The following SLC25A16 variants were observed in gnomAD, a reference collection of about 807,000 sequenced individuals.
The protein encoded by SLC25A16 is solute carrier family 25 member 16.
SLC25A16 carries 39 observed loss-of-function variants against 41.5 expected under a neutral mutation model. The ratio of observed to expected loss-of-function variants is 0.94; its 90% CI spans 0.73 to 1.23. The LOEUF (loss-of-function observed/expected upper bound fraction) is 1.23. Ranked by LOEUF, SLC25A16 falls within the 50% of genes most tolerant of loss-of-function variation. The probability of loss-of-function intolerance (pLI) is 0.00; values close to 1 mark genes in which losing one functional copy is unlikely to be tolerated. For synonymous variants in SLC25A16, 146 were observed against 147.8 expected, an observed-to-expected ratio of 0.99 and a Z score of 0.09; for missense variants, 421 against 426.9, an observed-to-expected ratio of 0.99 and a Z score of 0.12.
Position 68,487,156 on chromosome 10 carries a change from A to G in SLC25A16, c.830T>C (p.Phe277Ser), listed in dbSNP as rs1413929870. The change falls in exon 8 of 9, where the codon TTT (phenylalanine) becomes TCT (serine). Residue 277 changes from phenylalanine (F) to serine (S), a missense_variant. Transcript: ENST00000609923. ...RMQLGTVLPEFEKCLTMRDTM... is the reference protein window; with the variant it reads ...RMQLGTVLPESEKCLTMRDTM... ...ATGATGAACTTACAGGCACTTTTCAAATTCCGGCAGAACAGTTCCTAATTG... is the reference window on the plus strand; with the variant it reads ...ATGATGAACTTACAGGCACTTTTCAGATTCCGGCAGAACAGTTCCTAATTG... 2 of 1,613,406 alleles carry G rather than the reference A, an allele frequency of 1.2e-6. No individual in the cohort carries two copies. The highest frequency in any genetic ancestry group is 1.7e-6 in the Non-Finnish European group (2 of 1,179,552).
At chr10:68,488,727 G>A (rs1315108578) in intron 6 of SLC25A16, 98 bp from the exon 7 acceptor site, 33 of 975,910 alleles carry the variant, frequency 3.4e-5, no homozygotes, top group Admixed American at 5.6e-5. Flanking sequence ...CTAATTTCTG[G>A]TGTTTGGCTT....
At chr10:68,488,941 T>C (rs1444953835) in intron 6 of SLC25A16, among the ~76,000 whole-genome samples, 2 of 152,134 alleles carry the variant, frequency 1.3e-5, no homozygotes, top group African/African-American at 4.8e-5. Flanking sequence ...TTCATGATTA[T>C]TAATTACAAG....
At position 68,527,447 on chromosome 10, in the gene SLC25A16, G is replaced by A; in HGVS notation, c.-72C>T. On this transcript the variant is annotated 5_prime_UTR_variant, in exon 1 of 9. Transcript: ENST00000609923. ...ACCGGACGGGACCATAGCCGGAACA[G>A]GCGGTGACAGGAGGCTGACCGCCCC... 1.5e-6 allele frequency: 2 copies of A among 1,379,016 alleles called. No homozygotes were observed. Among genetic ancestry groups the A allele is most frequent in the South Asian group, 1.6e-5 (1 of 63,992 alleles). The allele number at this position is 1,379,016 out of a possible 1,614,324, so 85.4% of individuals were successfully genotyped here. A position where few individuals can be genotyped will look rare whatever the true frequency, so the allele number is the denominator to read the frequency against.
rs1164483087 is a variant in SLC25A16, at chr10:68,520,878, G to A, written c.131-4035C>T. On this transcript the variant is annotated intron_variant, in intron 1 of 8. Coordinates refer to ENST00000609923, the MANE Select transcript of SLC25A16 (RefSeq NM_152707.4). The stretch of plus-strand genomic sequence containing the variant: ...GGGCCAGGCATGGTGCCTCACATCT[G>A]TAATCCCAGCATTTTGGGACGTTGA... Among the ~76,000 whole-genome samples, 3 of 151,432 alleles carry A rather than the reference G, an allele frequency of 2.0e-5. No individual in the cohort carries two copies. In the East Asian group the frequency reaches 5.8e-4, roughly 29 times the overall value.
At chr10:68,525,919 AT>A (rs767600624) in intron 1 of SLC25A16, among the ~76,000 whole-genome samples, 1 of 152,032 alleles carries the variant, frequency 6.6e-6, no homozygotes, top group Non-Finnish European at 1.5e-5. Flanking sequence ...CTTAAGAGTC[AT>A]CACCACTCCC....
chr10:68,478,046 T>C lies in SLC25A16; in HGVS notation c.*5386A>G, dbSNP rs1023642020. ...ATTGACAAGTTCAAATTTAATGACA[T>C]GTTACAGTTTCATTTGAACAGTGTA... On this transcript the variant is annotated 3_prime_UTR_variant, in exon 9 of 9. Coordinates refer to ENST00000609923, the MANE Select transcript of SLC25A16 (RefSeq NM_152707.4). 1 of 152,158 alleles carries C rather than the reference T, an allele frequency of 6.6e-6. No homozygotes were observed. The highest frequency in any genetic ancestry group is 1.5e-5 in the Non-Finnish European group (1 of 68,036). The allele number at this position is 152,158 out of a possible 1,614,324, so 9.4% of individuals were successfully genotyped here.
In SLC25A16 at chr10:68,480,358, G is replaced by C. The variant is rs12767790; in HGVS notation, c.*3074C>G. 2 of 150,580 alleles carry C rather than the reference G, an allele frequency of 1.3e-5. No individual in the cohort carries two copies. Among genetic ancestry groups the C allele is most frequent in the Non-Finnish European group, 2.9e-5 (2 of 67,972 alleles). 9.3% of individuals were successfully genotyped at this position (150,580 alleles called of 1,614,324 possible). ...TTTGTGCTTCAATATGTAAACAGTTGAAAGAAAGAAATTGTCAAAACATGG... is the reference window on the plus strand; with the variant it reads ...TTTGTGCTTCAATATGTAAACAGTTCAAAGAAAGAAATTGTCAAAACATGG... On this transcript the variant is annotated 3_prime_UTR_variant, in exon 9 of 9. Coordinates refer to ENST00000609923, the MANE Select transcript of SLC25A16 (RefSeq NM_152707.4).
chr10:68,491,847 GA>G (rs1370139486), intron 6 of SLC25A16, among the ~76,000 whole-genome samples: 1 of 151,998 alleles, frequency 6.6e-6, no homozygotes, highest in African/African-American at 2.4e-5. Flanking sequence ...GATTGATTTA[GA>G]AATGGAGTCT....
chr10:68,524,819 G>C (rs1385436149), intron 1 of SLC25A16, among the ~76,000 whole-genome samples: 2 of 151,854 alleles, frequency 1.3e-5, no homozygotes, highest in Non-Finnish European at 2.9e-5. Context: ...GGAGGTTGCA[G>C]TGAGCAGAGA....
At position 68,518,789 on chromosome 10, in the gene SLC25A16, ATAAATAAATAAATAAATAAAT is replaced by A. The variant is rs1188368529; in HGVS notation, c.131-1967_131-1947del. 3.8e-3 allele frequency among the ~76,000 whole-genome samples: 527 copies of A among 138,566 alleles called. 4 individuals are homozygous for A. Among genetic ancestry groups the A allele is most frequent in the African/African-American group, 0.014 (495 of 35,116 alleles). The allele number at this position is 138,566 out of a possible 152,430, so 90.9% of individuals were successfully genotyped here. On this transcript the variant is annotated intron_variant, in intron 1 of 8. Coordinates refer to ENST00000609923, the MANE Select transcript of SLC25A16 (RefSeq NM_152707.4). ...TCTCGGTCTCAAAAAAACAAATAAA[ATAAATAAATAAATAAATAAAT>A]TAAATAAATAAATAAATAAAATGTA... is the stretch of plus-strand genomic sequence containing the variant.
chr10:68,513,934 T>C lies in SLC25A16; in HGVS notation c.223+2817A>G, dbSNP rs574287212. On this transcript the variant is annotated intron_variant, in intron 2 of 8. Transcript: ENST00000609923. ...TGTTTTGGCCGGGAGCAGTGGCTCA[T>C]GCCTATAATTTCAGTACTTTGGGAG... 2.0e-5 allele frequency among the ~76,000 whole-genome samples: 3 copies of C among 152,228 alleles called. No homozygotes were observed. In the South Asian group the frequency reaches 6.2e-4, roughly 32 times the overall value.
chr10:68,492,301 G>A (rs2052672630), intron 6 of SLC25A16, among the ~76,000 whole-genome samples: 1 of 152,016 alleles, frequency 6.6e-6, no homozygotes, highest in South Asian at 2.1e-4. Flanking sequence ...CAACTCCTTC[G>A]GGTCTAGTCA....
intron 3 of SLC25A16, 124 bp downstream of exon 3, chr10:68,506,461 A>AC (rs11313731): frequency 1.8e-4 from 118 of 669,104 alleles, no homozygotes; most frequent in Non-Finnish European, 2.3e-4. Flanking sequence ...AAAAAAAAAA[A>AC]CCAATAATTT....
rs551287014 is a variant in SLC25A16, at chr10:68,518,663, G to A, written c.131-1820C>T. ...GTGGTGCGTGCATGTAATCCCAGCT[G>A]CTTGGGAGGCTGAGGCAGAAGAATT... On this transcript the variant is annotated intron_variant, in intron 1 of 8. Coordinates refer to ENST00000609923, the MANE Select transcript of SLC25A16 (RefSeq NM_152707.4). 2.0e-5 allele frequency among the ~76,000 whole-genome samples: 3 copies of A among 151,182 alleles called. No individual in the cohort carries two copies. In the East Asian group the frequency reaches 5.9e-4, roughly 30 times the overall value.
chr10:68,488,498 C>T lies in SLC25A16; in HGVS notation c.742G>A (p.Gly248Ser). 1 of 1,561,590 alleles carries T rather than the reference C, an allele frequency of 6.4e-7. No homozygotes were observed. Among genetic ancestry groups the T allele is most frequent in the Non-Finnish European group, 8.6e-7 (1 of 1,162,984 alleles). ...GTCTGCGCTATTGCTCCAGCAACAC[C>T]ACCACAAAGTAAGTTTACATGAGTT... ...LKTHVNLLCGGVAGAIAQTIS... is the reference protein window; with the variant it reads ...LKTHVNLLCGSVAGAIAQTIS... Residue 248 changes from glycine (G) to serine (S), a missense_variant, in exon 7 of 9, where the codon GGT becomes AGT. Transcript: ENST00000609923.
chr10:68,526,715 C>A (rs1456686262), intron 1 of SLC25A16, among the ~76,000 whole-genome samples: 2 of 152,160 alleles, frequency 1.3e-5, no homozygotes, highest in Non-Finnish European at 2.9e-5. Flanking sequence ...ACTTTTTGAT[C>A]CCAAAGTCAC....
chr10:68,485,822 G>A (rs1189868718), intron 8 of SLC25A16, among the ~76,000 whole-genome samples: 1 of 142,618 alleles, frequency 7.0e-6, no homozygotes, highest in African/African-American at 2.7e-5. Context: ...TTTTGAGATG[G>A]AGTCTCACTC....
chr10:68,507,238 A>T (rs2052973567), intron 2 of SLC25A16, among the ~76,000 whole-genome samples: 1 of 151,592 alleles, frequency 6.6e-6, no homozygotes. Context: ...ACACCCGGCT[A>T]ATTTTTGCAT....
At chr10:68,524,310 CA>C (rs565308290) in intron 1 of SLC25A16, among the ~76,000 whole-genome samples, 27,650 of 43,478 alleles carry the variant, frequency 0.64, 7,199 homozygotes, top group East Asian at 0.68. Flanking sequence ...AACTCCATCT[CA>C]AAAAAAAAAA....
Sources: gnomAD v4.1 joint callset for allele counts (sites outside exome capture counted in the v4.1 genomes callset) on GRCh38, gnomAD v4.1.1 for gene constraint, MANE v1.5 for transcripts, NCBI Gene and HGNC (gene_info 2026-07-23, HGNC 2026-07-21) for gene names.